ARHGAP22: variants seen among roughly 807,000 people sequenced by gnomAD.
The protein encoded by ARHGAP22 is rho GTPase-activating protein 22.
A neutral mutation model predicts 59.1 loss-of-function variants in ARHGAP22; 48 were observed. The observed-to-expected ratio is 0.81, with a 90% CI of 0.64 to 1.03. The LOEUF is 1.03. ARHGAP22 is among the 50% of genes least tolerant of loss of function. The pLI is 0.00. For missense variants in ARHGAP22, 1,015 were observed against 958.7 expected (o/e 1.06, Z -0.78); for synonymous variants, 445 against 416.4 (o/e 1.07, Z -0.84).
chr10:48,510,469 C>T (rs773416005), intron 3 of ARHGAP22: 4 of 151,898 alleles, frequency 2.6e-5, no homozygotes, highest in Non-Finnish European at 5.9e-5. Flanking sequence ...GTGCCTGACC[C>T]CACCCCTGGC....
intron 2 of ARHGAP22, among the ~76,000 whole-genome samples, chr10:48,571,570 C>T (rs557944167): frequency 1.3e-5 from 2 of 152,232 alleles, no homozygotes; most frequent in Non-Finnish European, 2.9e-5. Flanking sequence ...TCTCTTTGTG[C>T]CTCAGTTTCC....
At chr10:48,530,005 C>T (rs748057226) in intron 3 of ARHGAP22, among the ~76,000 whole-genome samples, 28 of 151,958 alleles carry the variant, frequency 1.8e-4, no homozygotes, top group Non-Finnish European at 3.4e-4. Context: ...GGGAGGCCAA[C>T]GTGGGCAGAT....
chr10:48,457,627 G>A (rs1009419484), intron 5 of ARHGAP22, among the ~76,000 whole-genome samples: 4 of 152,196 alleles, frequency 2.6e-5, no homozygotes, highest in Admixed American at 6.5e-5. Flanking sequence ...GTGGCAACCC[G>A]GGAGACTGAC....
chr10:48,446,626 A>G lies in ARHGAP22; in HGVS notation c.1869-7T>C. 6.2e-7 allele frequency: 1 copy of G among 1,612,576 alleles called. No individual in the cohort carries two copies. Among genetic ancestry groups the G allele is most frequent in the Non-Finnish European group, 8.5e-7 (1 of 1,179,088 alleles). On this transcript the variant is annotated splice_region_variant and splice_polypyrimidine_tract_variant and intron_variant, in intron 9 of 9. Coordinates refer to ENST00000249601, the MANE Select transcript of ARHGAP22 (RefSeq NM_021226.4). ...AGCACTCCCTTCTTCGATTCTGAAAAGTCAAGGAGAGATGCTGTTTGAGAC... is the reference window on the plus strand; with the variant it reads ...AGCACTCCCTTCTTCGATTCTGAAAGGTCAAGGAGAGATGCTGTTTGAGAC...
At chr10:48,635,738 G>A (rs1393565055) in intron 1 of ARHGAP22, among the ~76,000 whole-genome samples, 1 of 152,164 alleles carries the variant, frequency 6.6e-6, no homozygotes, top group African/African-American at 2.4e-5. Context: ...GTCACTCTTT[G>A]CCCCATCAGT....
chr10:48,618,377 TAAG>T (rs1053069101), intron 1 of ARHGAP22, among the ~76,000 whole-genome samples: 1 of 151,946 alleles, frequency 6.6e-6, no homozygotes, highest in Admixed American at 6.6e-5. Context: ...CCAAACCAGA[TAAG>T]GACACAATAA....
chr10:48,613,636 T>G (rs2060974760), intron 1 of ARHGAP22, among the ~76,000 whole-genome samples: 1 of 151,224 alleles, frequency 6.6e-6, no homozygotes, highest in Non-Finnish European at 1.5e-5. Flanking sequence ...GAGTTTTGGC[T>G]AGGAATATAA....
At chr10:48,491,870 T>C (rs976469261) in intron 3 of ARHGAP22, among the ~76,000 whole-genome samples, 1 of 152,248 alleles carries the variant, frequency 6.6e-6, no homozygotes, top group African/African-American at 2.4e-5. Flanking sequence ...CAGGGAACTA[T>C]GACCCCGGGA....
upstream of ARHGAP22, among the ~76,000 whole-genome samples, chr10:48,655,020 T>C (rs1275328841): frequency 3.2e-5 from 2 of 62,888 alleles, no homozygotes; most frequent in African/African-American, 1.2e-4. Flanking sequence ...CTTTCTTTCT[T>C]TCTTTCTTTC....
At chr10:48,484,250 A>G (rs932306059) in intron 3 of ARHGAP22, among the ~76,000 whole-genome samples, 5 of 152,362 alleles carry the variant, frequency 3.3e-5, no homozygotes, top group Admixed American at 1.3e-4. Flanking sequence ...TTCTGCATCT[A>G]TTGTAATGAC....
intron 3 of ARHGAP22, among the ~76,000 whole-genome samples, chr10:48,485,278 C>T (rs1165413418): frequency 6.6e-6 from 1 of 152,142 alleles, no homozygotes; most frequent in Non-Finnish European, 1.5e-5. Context: ...ACTTTAGAGG[C>T]AGCTCCCAGA....
chr10:48,582,801 G>T, intron 2 of ARHGAP22, 152 bp downstream of exon 2: 1 of 814,240 alleles, frequency 1.2e-6, no homozygotes, highest in Non-Finnish European at 1.9e-6. Flanking sequence ...GAACATGGGG[G>T]ATAAGAATGA....
intron 3 of ARHGAP22, among the ~76,000 whole-genome samples, chr10:48,554,925 T>C (rs1274325592): frequency 2.0e-5 from 3 of 152,230 alleles, no homozygotes; most frequent in Admixed American, 6.5e-5. Flanking sequence ...GGCCCTGCCA[T>C]GTACACTGGC....
rs1408825105 is a variant in ARHGAP22 at position 48,582,947 on chromosome 10, T to A, written c.234+6A>T. 6 of 1,614,194 alleles carry A rather than the reference T, an allele frequency of 3.7e-6. No homozygotes were observed. The highest frequency in any genetic ancestry group is 5.1e-6 in the Non-Finnish European group (6 of 1,179,996). On this transcript the variant is annotated splice_donor_region_variant and intron_variant, in intron 2 of 9. Transcript: ENST00000249601. ...GCCCACGGCACACCGGACATGCACT[T>A]CTCACCTGGGGCTTGATCTCATCTT...
In ARHGAP22 at chr10:48,453,340, G is replaced by A. The variant is rs753842762; in HGVS notation, c.952C>T (p.Arg318Trp). The A allele has an allele frequency of 9.3e-6, 15 of 1,613,948 alleles. No homozygotes were observed. The highest frequency in any genetic ancestry group is 4.0e-5 in the African/African-American group (3 of 75,052). The change falls in exon 8 of 10, where the codon CGG becomes TGG. Residue 318 changes from arginine to tryptophan, a missense_variant. Arg to Trp is a moderately radical substitution (Grantham distance 101). Transcript: ENST00000249601. Reference sequence around the variant, plus strand: ...GTTACTGGGTCCTCTACCTGTGGCCGCAGAATGTTAGGTCCAAAAACGGTT... The same window carrying A: ...GTTACTGGGTCCTCTACCTGTGGCCACAGAATGTTAGGTCCAAAAACGGTT... ...LATVFGPNILRPQVEDPVTIM... is the reference protein window; with the variant it reads ...LATVFGPNILWPQVEDPVTIM...
chr10:48,563,470 G>A (rs932706026), intron 2 of ARHGAP22, among the ~76,000 whole-genome samples: 5 of 152,166 alleles, frequency 3.3e-5, no homozygotes, highest in Admixed American at 6.5e-5. Context: ...GATTACAGGC[G>A]TGAGCCACCG....
chr10:48,613,935 C>G (rs558426149), intron 1 of ARHGAP22, among the ~76,000 whole-genome samples: 3 of 152,268 alleles, frequency 2.0e-5, no homozygotes, highest in Admixed American at 2.0e-4. Flanking sequence ...GTTATAAAAG[C>G]AGGGTTGATG....
chr10:48,595,961 C>T (rs1456468796), intron 1 of ARHGAP22, among the ~76,000 whole-genome samples: 1 of 152,210 alleles, frequency 6.6e-6, no homozygotes, highest in Non-Finnish European at 1.5e-5. Context: ...ACAGCCTATC[C>T]ATTCCTGCCC....
intron 5 of ARHGAP22, among the ~76,000 whole-genome samples, chr10:48,457,685 C>A (rs2046685848): frequency 6.6e-6 from 1 of 152,178 alleles, no homozygotes; most frequent in Non-Finnish European, 1.5e-5. Flanking sequence ...AAGTATGGGA[C>A]AGCTCCAGGC....
Sources: allele counts gnomAD v4.1 joint callset (sites outside exome capture counted in the v4.1 genomes callset), GRCh38; gene constraint gnomAD v4.1.1; transcripts MANE v1.5; gene names NCBI Gene and HGNC (gene_info 2026-07-23, HGNC 2026-07-21).